SMARCA1: variants seen among roughly 807,000 people sequenced by gnomAD.
SMARCA1 encodes SNF2 related chromatin remodeling ATPase 1.
SMARCA1 carries 17 observed loss-of-function variants against 93.6 expected under a neutral mutation model. That is an observed-to-expected ratio of 0.18 (90% CI 0.12 to 0.27). SMARCA1 has a LOEUF of 0.27. Ranked by LOEUF, SMARCA1 falls within the 10% of genes least tolerant of loss-of-function variation. The pLI is 1.00. For synonymous variants in SMARCA1, 271 were observed against 271.4 expected (o/e 1.00, Z 0.01); for missense variants, 630 against 819.0 (o/e 0.77, Z 2.82).
At chrX:129,502,377 A>T (rs1260595080) in intron 9 of SMARCA1, among the ~76,000 whole-genome samples, 1 of 111,132 alleles carries the variant, frequency 9.0e-6, no homozygotes, top group Non-Finnish European at 1.9e-5. Context: ...AGGGGTGGAC[A>T]AAGGGTAAAA....
chrX:129,508,852 A>C (rs1934920030), intron 6 of SMARCA1, among the ~76,000 whole-genome samples: 1 of 112,385 alleles, frequency 8.9e-6, no homozygotes, highest in Non-Finnish European at 1.9e-5. Flanking sequence ...CACAAAAGTT[A>C]ATGGGAAGCA....
chrX:129,469,788 G>A (rs926714410), intron 20 of SMARCA1, among the ~76,000 whole-genome samples: 2 of 112,302 alleles, frequency 1.8e-5, no homozygotes, highest in African/African-American at 6.5e-5. Context: ...TATTATCTCA[G>A]TTGAGACTGT....
At chrX:129,503,327 A>G (rs1370364443) in intron 9 of SMARCA1, among the ~76,000 whole-genome samples, 1 of 112,400 alleles carries the variant, frequency 8.9e-6, no homozygotes, top group Non-Finnish European at 1.9e-5. Flanking sequence ...GGCTGCCCCA[A>G]TACAGAGATG....
chrX:129,453,212 C>T (rs999538828), intron 23 of SMARCA1, among the ~76,000 whole-genome samples: 21 of 111,751 alleles, frequency 1.9e-4, no homozygotes, highest in Non-Finnish European at 2.4e-4. Context: ...AAACGACTTA[C>T]TTTAAATCAA....
rs1461447965 is a variant in SMARCA1 at position 129,465,538 on chromosome X, G to A, written c.3012C>T (p.Ile1004=). 1 of 1,198,418 alleles carries A rather than the reference G, an allele frequency of 8.3e-7. No homozygotes were observed. The highest frequency in any genetic ancestry group is 1.1e-6 in the Non-Finnish European group (1 of 885,076). Residue 1004 remains isoleucine, a synonymous_variant, in exon 23 of 25, where the codon ATC becomes ATT. Transcript: ENST00000371121. ...NAPQFRFDWF[I]KSRTAMEFQR... ...TACATACCATGGCAGTCCTAGACTTGATAAACCAGTCAAATCTAAACTGGG... is the reference window on the plus strand; with the variant it reads ...TACATACCATGGCAGTCCTAGACTTAATAAACCAGTCAAATCTAAACTGGG...
chrX:129,522,921 G>A (rs1187746414), intron 1 of SMARCA1, among the ~76,000 whole-genome samples: 2 of 111,219 alleles, frequency 1.8e-5, no homozygotes, highest in Non-Finnish European at 3.8e-5. Context: ...GGCTGTCGAG[G>A]GGCTCCCGAG....
At chrX:129,484,396 G>C (rs980895879) in intron 17 of SMARCA1, among the ~76,000 whole-genome samples, 2 of 111,557 alleles carry the variant, frequency 1.8e-5, no homozygotes, top group Non-Finnish European at 3.8e-5. Context: ...CCGTCTAAGT[G>C]AAGATTAGAG....
At chrX:129,519,767 T>C (rs1019885318) in intron 1 of SMARCA1, among the ~76,000 whole-genome samples, 8 of 111,892 alleles carry the variant, frequency 7.1e-5, no homozygotes, top group Non-Finnish European at 1.1e-4. Flanking sequence ...ATATATAATA[T>C]AAATCATATT....
chrX:129,508,884 G>A (rs1934921592), intron 6 of SMARCA1, among the ~76,000 whole-genome samples: 1 of 112,027 alleles, frequency 8.9e-6, no homozygotes, highest in African/African-American at 3.2e-5. Context: ...ATTAAGAAGA[G>A]GCTGATTAGT....
At chrX:129,495,273 C>T (rs970910020) in intron 12 of SMARCA1, among the ~76,000 whole-genome samples, 3 of 112,621 alleles carry the variant, frequency 2.7e-5, no homozygotes, top group Non-Finnish European at 3.7e-5. Flanking sequence ...CTTTCTTAAA[C>T]GTATGTATGG....
chrX:129,496,801 A>G lies in SMARCA1; in HGVS notation c.1575T>C (p.Arg525=). The G allele has an allele frequency of 8.3e-7, 1 of 1,204,323 alleles. No individual in the cohort carries two copies. The highest frequency in any genetic ancestry group is 1.8e-5 in the South Asian group (1 of 56,760). The change falls in exon 12 of 25, where the codon CGT becomes CGC. Residue 525 remains arginine, a synonymous_variant. Coordinates refer to ENST00000371121, the MANE Select transcript of SMARCA1 (RefSeq NM_001282874.2). The part of the protein sequence containing the change: ...LDILEDYCMW[R]GYEYCRLDGQ... ...CATCCAGTCGACAATACTCATAACC[A>G]CGCCACATGCAATAATCTTCCAAAA...
Position 129,523,206 on chromosome X carries a change from C to T in SMARCA1, c.165G>A (p.Lys55=). The T allele has an allele frequency of 2.5e-6, 3 of 1,211,075 alleles. No individual in the cohort carries two copies. Among genetic ancestry groups the T allele is most frequent in the Non-Finnish European group, 3.4e-6 (3 of 895,112 alleles). Residue 55 remains lysine (K), a synonymous_variant, in exon 1 of 25, where the codon AAG becomes AAA. Coordinates refer to ENST00000371121, the MANE Select transcript of SMARCA1 (RefSeq NM_001282874.2). ...EATAATEKGE[K]KKEKNVSSFQ... Reference sequence around the variant, plus strand: ...CCCCCTTCCTATTTACCTCCTTCTTCTTCTCGCCCTTCTCCGTGGCCGCGG... The same window carrying T: ...CCCCCTTCCTATTTACCTCCTTCTTTTTCTCGCCCTTCTCCGTGGCCGCGG...
chrX:129,482,186 TG>T (rs1933703949), intron 17 of SMARCA1, among the ~76,000 whole-genome samples: 1 of 47,334 alleles, frequency 2.1e-5, no homozygotes, highest in African/African-American at 9.0e-5. Flanking sequence ...TGTTGTGGGG[TG>T]GGGGGAGGGG....
intron 19 of SMARCA1, 38 bp from the exon 20 acceptor site, chrX:129,471,364 G>GA (rs775554654): frequency 9.7e-7 from 1 of 1,030,924 alleles, no homozygotes; most frequent in East Asian, 3.1e-5. Flanking sequence ...AAACTGATGA[G>GA]AAAAATTAAT....
intron 23 of SMARCA1, among the ~76,000 whole-genome samples, chrX:129,458,352 A>T (rs1418720749): frequency 1.8e-5 from 2 of 112,657 alleles, no homozygotes; most frequent in Admixed American, 9.4e-5. Flanking sequence ...TTTAAGCTAC[A>T]GACTTAGCTT....
intron 9 of SMARCA1, among the ~76,000 whole-genome samples, chrX:129,501,673 G>T (rs983780885): frequency 9.3e-6 from 1 of 107,259 alleles, no homozygotes; most frequent in Non-Finnish European, 1.9e-5. Flanking sequence ...AAATGCAGTG[G>T]TGAGATCTCG....
At chrX:129,521,381 T>A (rs1161286466) in intron 1 of SMARCA1, among the ~76,000 whole-genome samples, 1 of 111,673 alleles carries the variant, frequency 9.0e-6, no homozygotes. Context: ...TGTAATGTAT[T>A]TCATTTTTTA....
chrX:129,486,883 C>A, intron 17 of SMARCA1, 135 bp downstream of exon 17: 1 of 510,897 alleles, frequency 2.0e-6, no homozygotes, highest in Non-Finnish European at 3.4e-6. Flanking sequence ...ATATACCTTG[C>A]ATGAGATATT....
chrX:129,448,429 G>A lies in SMARCA1; in HGVS notation c.3045C>T (p.Arg1015=). ...CAATCAATGAAATCAGAGTGTTACAGCGTCTCTGGAATTCCTAAATGAAGT... is the reference window on the plus strand; with the variant it reads ...CAATCAATGAAATCAGAGTGTTACAACGTCTCTGGAATTCCTAAATGAAGT... The part of the protein sequence containing the change: ...KSRTAMEFQR[R]CNTLISLIEK... Residue 1015 remains arginine (R), a synonymous_variant, in exon 24 of 25, where the codon CGC becomes CGT. Coordinates refer to ENST00000371121, the MANE Select transcript of SMARCA1 (RefSeq NM_001282874.2). The A allele has an allele frequency of 8.4e-7, 1 of 1,192,086 alleles. No individual in the cohort carries two copies. The highest frequency in any genetic ancestry group is 1.1e-6 in the Non-Finnish European group (1 of 882,780).
Sources: gnomAD v4.1 joint callset for allele counts (sites outside exome capture counted in the v4.1 genomes callset) on GRCh38, gnomAD v4.1.1 for gene constraint, MANE v1.5 for transcripts, NCBI Gene and HGNC (gene_info 2026-07-23, HGNC 2026-07-21) for gene names.